Variants in DGKB observed in about 807,000 individuals in gnomAD.
DGKB encodes 90 kDa diacylglycerol kinase.
In DGKB, 67 loss-of-function variants were observed where a neutral mutation model predicts 114.3. The ratio of observed to expected loss-of-function variants is 0.59; its 90% CI spans 0.48 to 0.72. The LOEUF (loss-of-function observed/expected upper bound fraction) is 0.72, where lower values mean the gene tolerates loss of function less well. DGKB is among the 30% of genes least tolerant of loss of function. The pLI, the probability that DGKB is intolerant of heterozygous loss-of-function variation, is 0.00. For missense variants in DGKB, 907 were observed against 975.2 expected, an observed-to-expected ratio of 0.93 and a Z score of 0.93; for synonymous variants, 398 against 323.1, an observed-to-expected ratio of 1.23 and a Z score of -2.49.
intron 13 of DGKB, among the ~76,000 whole-genome samples, chr7:14,648,579 G>T (rs923073566): frequency 1.6e-4 from 24 of 152,148 alleles, no homozygotes; most frequent in African/African-American, 3.6e-4. Flanking sequence ...ACTCTAAAAA[G>T]CAGAGCGCCT....
chr7:14,654,580 A>C (rs1024090153), intron 13 of DGKB, among the ~76,000 whole-genome samples: 7 of 152,056 alleles, frequency 4.6e-5, no homozygotes, highest in African/African-American at 1.7e-4. Flanking sequence ...CAAGTAGTCA[A>C]AGTAATACTG....
intron 1 of DGKB, among the ~76,000 whole-genome samples, chr7:14,955,263 T>G (rs1281669042): frequency 6.6e-6 from 1 of 152,078 alleles, no homozygotes; most frequent in African/African-American, 2.4e-5. Context: ...AGTTTCACAG[T>G]GAATAAGAGA....
chr7:14,264,577 C>A (rs1056617701), intron 23 of DGKB, among the ~76,000 whole-genome samples: 5 of 152,156 alleles, frequency 3.3e-5, no homozygotes, highest in African/African-American at 1.2e-4. Flanking sequence ...CAAGCAACTT[C>A]TATTTTTGCA....
intron 16 of DGKB, among the ~76,000 whole-genome samples, chr7:14,611,506 G>A (rs1805534402): frequency 6.6e-6 from 1 of 152,060 alleles, no homozygotes; most frequent in Non-Finnish European, 1.5e-5. Flanking sequence ...CTTGTGAAAG[G>A]TGCCTCTTAT....
chr7:14,258,994 T>C (rs1796340133), intron 23 of DGKB, among the ~76,000 whole-genome samples: 3 of 152,176 alleles, frequency 2.0e-5, no homozygotes, highest in Admixed American at 2.0e-4. Flanking sequence ...AGATTTCAGA[T>C]GGCTTTGTCT....
chr7:14,747,015 C>T (rs1280389357), intron 4 of DGKB, among the ~76,000 whole-genome samples: 1 of 151,776 alleles, frequency 6.6e-6, no homozygotes, highest in East Asian at 1.9e-4. Context: ...TAAAAATTTC[C>T]TCAATTCTTA....
chr7:14,221,709 T>G (rs1300546775), intron 23 of DGKB, among the ~76,000 whole-genome samples: 1 of 151,338 alleles, frequency 6.6e-6, no homozygotes, highest in Admixed American at 6.6e-5. Flanking sequence ...TTCTCCTCAT[T>G]TTTTGGAAGG....
intron 14 of DGKB, among the ~76,000 whole-genome samples, chr7:14,624,252 C>G (rs960343133): frequency 6.6e-6 from 1 of 152,084 alleles, no homozygotes; most frequent in African/African-American, 2.4e-5. Context: ...ATAATTTACT[C>G]CAGCATTCTT....
At chr7:14,916,178 C>A (rs547932129) in intron 1 of DGKB, among the ~76,000 whole-genome samples, 5 of 151,622 alleles carry the variant, frequency 3.3e-5, no homozygotes, top group Admixed American at 2.6e-4. Context: ...TCTGAGATAA[C>A]CCCTAACATT....
At chr7:14,392,982 G>GT (rs1298052301) in intron 21 of DGKB, among the ~76,000 whole-genome samples, 3 of 27,466 alleles carry the variant, frequency 1.1e-4, no homozygotes, top group Admixed American at 3.1e-4. Context: ...AAACAGACCT[G>GT]TTTTTTGTTT....
In DGKB at chr7:14,682,928, A is replaced by G. The variant is rs546560766; in HGVS notation, c.830-87T>C. On this transcript the variant is annotated intron_variant, in intron 10 of 25. Transcript: ENST00000402815. ...GAAAGAATGACATTAACAGAACCTC[A>G]TTTCATATCCACTGCTCCCTAATCA... 5.7e-6 allele frequency: 5 copies of G among 880,000 alleles called. No individual in the cohort carries two copies. In the Admixed American group the frequency reaches 6.2e-5, roughly 11 times the overall value. The allele number at this position is 880,000 out of a possible 1,614,324, so 54.5% of individuals were successfully genotyped here.
At chr7:14,562,246 G>T (rs531669928) in intron 20 of DGKB, among the ~76,000 whole-genome samples, 3 of 152,340 alleles carry the variant, frequency 2.0e-5, no homozygotes, top group African/African-American at 7.2e-5. Context: ...GAGGATGTAT[G>T]GAAACATCTG....
At chr7:14,710,999 C>T (rs1827269139) in intron 6 of DGKB, among the ~76,000 whole-genome samples, 1 of 151,984 alleles carries the variant, frequency 6.6e-6, no homozygotes, top group African/African-American at 2.4e-5. Flanking sequence ...AGCCATGCTT[C>T]CTTCTCCCAA....
At chr7:14,558,575 T>G (rs1221345245) in intron 20 of DGKB, among the ~76,000 whole-genome samples, 3 of 152,154 alleles carry the variant, frequency 2.0e-5, no homozygotes, top group Non-Finnish European at 4.4e-5. Context: ...TGGCCACATG[T>G]GTAATTGATT....
chr7:14,463,914 C>G (rs1311718686), intron 21 of DGKB, among the ~76,000 whole-genome samples: 1 of 152,026 alleles, frequency 6.6e-6, no homozygotes, highest in African/African-American at 2.4e-5. Flanking sequence ...GCCACAAGGA[C>G]ACACAACTTA....
intron 23 of DGKB, among the ~76,000 whole-genome samples, chr7:14,242,467 G>T (rs1793820719): frequency 6.6e-6 from 1 of 152,138 alleles, no homozygotes; most frequent in Non-Finnish European, 1.5e-5. Context: ...TTGAGACTCA[G>T]ATTACTGCGT....
chr7:14,937,260 CA>C (rs968895111), intron 1 of DGKB, among the ~76,000 whole-genome samples: 6 of 151,654 alleles, frequency 4.0e-5, no homozygotes, highest in Non-Finnish European at 7.4e-5. Context: ...TAAGTGTATT[CA>C]AATTCTGATT....
At chr7:14,473,553 G>A (rs1781730752) in intron 21 of DGKB, among the ~76,000 whole-genome samples, 1 of 152,172 alleles carries the variant, frequency 6.6e-6, no homozygotes, top group African/African-American at 2.4e-5. Flanking sequence ...TAGTGGAGCT[G>A]TGAGAAGAGG....
intron 20 of DGKB, among the ~76,000 whole-genome samples, chr7:14,567,643 G>A (rs552042522): frequency 5.8e-4 from 80 of 138,976 alleles, no homozygotes; most frequent in African/African-American, 1.6e-3. Context: ...GTCTCACTCC[G>A]TTGTGCAGGC....
Sources: allele counts gnomAD v4.1 joint callset (sites outside exome capture counted in the v4.1 genomes callset), GRCh38; gene constraint gnomAD v4.1.1; transcripts MANE v1.5; gene names NCBI Gene and HGNC (gene_info 2026-07-23, HGNC 2026-07-21).